SPAG17: variants seen among roughly 807,000 people sequenced by gnomAD.
SPAG17 encodes sperm associated antigen 17.
A neutral mutation model predicts 273.6 loss-of-function variants in SPAG17; 169 were observed. That is an observed-to-expected ratio of 0.62 (90% CI 0.55 to 0.70). The LOEUF is 0.70. Among genes scored for constraint, SPAG17 ranks in the 30% least tolerant of loss-of-function variants. The pLI is 0.00. For missense variants in SPAG17, 2,557 were observed against 2,627.8 expected (o/e 0.97, Z 0.59); for synonymous variants, 825 against 873.2 (o/e 0.94, Z 0.97).
Position 118,097,860 on chromosome 1 carries a change from A to G in SPAG17, c.830-9T>C. 6.4e-7 allele frequency: 1 copy of G among 1,556,092 alleles called. No homozygotes were observed. The highest frequency in any genetic ancestry group is 1.4e-5 in the African/African-American group (1 of 72,610). ...TTTTTCTGCTTCTAGATCTAATAAT[A>G]GCAACATGTTTATATTACCAAATGA... On this transcript the variant is annotated splice_polypyrimidine_tract_variant and intron_variant, in intron 6 of 48. Transcript: ENST00000336338.
chr1:118,139,381 GC>G lies in SPAG17; in HGVS notation c.315+11161del, dbSNP rs368063708. Among the ~76,000 whole-genome samples, 271 of 152,238 alleles carry G rather than the reference GC, an allele frequency of 1.8e-3. 2 individuals are homozygous for G. The highest frequency in any genetic ancestry group is 6.2e-3 in the African/African-American group (258 of 41,560). On this transcript the variant is annotated intron_variant, in intron 3 of 48. Coordinates refer to ENST00000336338, the MANE Select transcript of SPAG17 (RefSeq NM_206996.4). ...ATTGGCAAGAATATAAGTTACGACAGCCCATTATGGAAAACACTATGGAGGG... is the reference window on the plus strand; with the variant it reads ...ATTGGCAAGAATATAAGTTACGACAGCCATTATGGAAAACACTATGGAGGG...
At chr1:118,010,645 T>C (rs1405134553) in intron 30 of SPAG17, among the ~76,000 whole-genome samples, 1 of 152,254 alleles carries the variant, frequency 6.6e-6, no homozygotes, top group Middle Eastern at 3.4e-3. Context: ...ATTCTAGACG[T>C]AGCAACAGGC....
At chr1:118,136,671 G>A (rs2802658) in intron 3 of SPAG17, among the ~76,000 whole-genome samples, 3 of 152,260 alleles carry the variant, frequency 2.0e-5, no homozygotes, top group South Asian at 4.1e-4. Context: ...GTGAAACGGA[G>A]AAACTCTTTT....
chr1:117,994,927 T>G (rs12032841), intron 34 of SPAG17, among the ~76,000 whole-genome samples: 9,742 of 152,186 alleles, frequency 0.064, 517 homozygotes, highest in East Asian at 0.31. Context: ...ACTCTGTGAA[T>G]GAACCTTCCC....
intron 26 of SPAG17, among the ~76,000 whole-genome samples, chr1:118,026,959 A>G (rs1557925488): frequency 6.6e-6 from 1 of 152,228 alleles, no homozygotes; most frequent in Admixed American, 6.5e-5. Context: ...TAAACAGATG[A>G]GCTATTATTA....
intron 17 of SPAG17, among the ~76,000 whole-genome samples, chr1:118,067,855 A>C (rs2102067722): frequency 6.6e-6 from 1 of 152,206 alleles, no homozygotes; most frequent in Admixed American, 6.5e-5. Context: ...GCTGTGTTAG[A>C]TGAAGTGAAG....
At chr1:117,998,084 C>CAATTTGTCAG (rs1189374997) in intron 32 of SPAG17, among the ~76,000 whole-genome samples, 1 of 152,042 alleles carries the variant, frequency 6.6e-6, no homozygotes, top group Non-Finnish European at 1.5e-5. Flanking sequence ...TCAGTTTTTG[C>CAATTTGTCAG]TTTTGTTGCA....
intron 3 of SPAG17, among the ~76,000 whole-genome samples, chr1:118,126,935 G>T (rs1292261379): frequency 2.0e-5 from 3 of 152,110 alleles, no homozygotes; most frequent in Non-Finnish European, 4.4e-5. Context: ...ACCATTTATT[G>T]AAGAAGTTTC....
intron 18 of SPAG17, among the ~76,000 whole-genome samples, chr1:118,060,590 A>G (rs1483422178): frequency 6.6e-6 from 1 of 152,190 alleles, no homozygotes. Flanking sequence ...AGTATCCTGA[A>G]TTTGACTGTA....
intron 27 of SPAG17, among the ~76,000 whole-genome samples, chr1:118,024,829 TTG>T (rs1647548345): frequency 1.3e-5 from 2 of 152,344 alleles, no homozygotes; most frequent in African/African-American, 4.8e-5. Context: ...TGTTTTAACT[TTG>T]TGCATATTTC....
intron 3 of SPAG17, among the ~76,000 whole-genome samples, chr1:118,132,957 G>C (rs1658137474): frequency 6.6e-6 from 1 of 152,022 alleles, no homozygotes; most frequent in Non-Finnish European, 1.5e-5. Context: ...ATTTTTAGTA[G>C]AGATAGGGTT....
At position 118,099,655 on chromosome 1, in the gene SPAG17, T is replaced by G. The variant is rs776778576; in HGVS notation, c.780A>C (p.Thr260=). The change falls in exon 6 of 49, where the codon ACA becomes ACC. Residue 260 remains threonine, a synonymous_variant. Coordinates refer to ENST00000336338, the MANE Select transcript of SPAG17 (RefSeq NM_206996.4). ...ISSENYEPLQ[T]HLAAVNQQQE... is the part of the protein sequence containing the mutation. ...GCTGCTGGTTAACTGCTGCCAGGTG[T>G]GTCTGCAGAGGTTCATAATTCTCTG... is the stretch of plus-strand genomic sequence containing the variant. The G allele has an allele frequency of 6.2e-7, 1 of 1,614,126 alleles. No individual in the cohort carries two copies.
chr1:117,994,540 A>G lies in SPAG17; in HGVS notation c.5054-10T>C, dbSNP rs1657451085. 1 of 1,601,976 alleles carries G rather than the reference A, an allele frequency of 6.2e-7. No individual in the cohort carries two copies. Among genetic ancestry groups the G allele is most frequent in the African/African-American group, 1.3e-5 (1 of 74,214 alleles). On this transcript the variant is annotated splice_polypyrimidine_tract_variant and intron_variant, in intron 34 of 48. Transcript: ENST00000336338. ...GTGATGGTTAGGGTGCCTGGTTCAA[A>G]GAAAGTTGTCAGAAGACCATTACCC...
intron 28 of SPAG17, among the ~76,000 whole-genome samples, chr1:118,021,896 G>A (rs1045904488): frequency 6.6e-6 from 1 of 152,072 alleles, no homozygotes; most frequent in African/African-American, 2.4e-5. Flanking sequence ...AATTTGGAAA[G>A]CTATCTGGAT....
chr1:118,165,293 G>T (rs1446705099), intron 1 of SPAG17, among the ~76,000 whole-genome samples: 1 of 152,056 alleles, frequency 6.6e-6, no homozygotes, highest in African/African-American at 2.4e-5. Context: ...AACTTCTGGT[G>T]CAAGGGCGCC....
At chr1:118,005,314 C>T (rs1032058008) in intron 32 of SPAG17, 100 bp downstream of exon 32, 1 of 1,033,492 alleles carries the variant, frequency 9.7e-7, no homozygotes, top group Non-Finnish European at 1.4e-6. Flanking sequence ...TAATTAATCC[C>T]AAGGCAACTA....
At chr1:118,109,159 T>C (rs1656599042) in intron 4 of SPAG17, among the ~76,000 whole-genome samples, 1 of 151,754 alleles carries the variant, frequency 6.6e-6, no homozygotes, top group Non-Finnish European at 1.5e-5. Context: ...TTTTTTTTTT[T>C]TGAGACGGAG....
chr1:118,025,469 T>G, intron 26 of SPAG17, 53 bp from the exon 27 acceptor site: 2 of 1,186,738 alleles, frequency 1.7e-6, no homozygotes, highest in Non-Finnish European at 2.3e-6. Context: ...CAGGGCTGGA[T>G]TTTATCATCT....
At chr1:118,073,337 G>T (rs1387671271) in intron 17 of SPAG17, among the ~76,000 whole-genome samples, 1 of 152,102 alleles carries the variant, frequency 6.6e-6, no homozygotes, top group African/African-American at 2.4e-5. Flanking sequence ...TGCTTACATA[G>T]TTTCTACTTC....
Sources: allele counts gnomAD v4.1 joint callset (sites outside exome capture counted in the v4.1 genomes callset), GRCh38; gene constraint gnomAD v4.1.1; transcripts MANE v1.5; gene names NCBI Gene and HGNC (gene_info 2026-07-23, HGNC 2026-07-21).